ITPR3: variants seen among roughly 807,000 people sequenced by gnomAD.
ITPR3 encodes inositol 1,4,5-trisphosphate-gated calcium channel ITPR3.
Under a neutral mutation model 293.2 loss-of-function variants are expected in ITPR3, and 173 were observed. That is an observed-to-expected ratio of 0.59 (90% CI 0.52 to 0.67). ITPR3 has a LOEUF of 0.67. ITPR3 is among the 30% of genes least tolerant of loss of function. The pLI is 0.00. For synonymous variants in ITPR3, 1,295 were observed against 1,444.4 expected (o/e 0.90, Z 2.35); for missense variants, 2,796 against 3,592.1 (o/e 0.78, Z 5.66).
intron 1 of ITPR3, among the ~76,000 whole-genome samples, chr6:33,626,093 T>G (rs1763543717): frequency 6.6e-6 from 1 of 152,124 alleles, no homozygotes; most frequent in South Asian, 2.1e-4. Context: ...TGCTACCGCA[T>G]CTGGCTAGTT....
In ITPR3 at chr6:33,668,553, A is replaced by G. The variant is rs776238515; in HGVS notation, c.1925A>G (p.His642Arg). 5.0e-6 allele frequency: 8 copies of G among 1,614,130 alleles called. No homozygotes were observed. The highest frequency in any genetic ancestry group is 6.8e-6 in the Non-Finnish European group (8 of 1,180,008). The change falls in exon 17 of 58, where the codon CAC becomes CGC. Residue 642 changes from histidine to arginine, a missense_variant. By Grantham distance (29) the His-to-Arg change is conservative (BLOSUM62 0). Coordinates refer to ENST00000605930, the MANE Select transcript of ITPR3 (RefSeq NM_002224.4). ...DYLSDLCVSNHIAIPVTQELI... is the reference protein window; with the variant it reads ...DYLSDLCVSNRIAIPVTQELI... ...CTCTCTGACCTGTGTGTGTCCAACC[A>G]CATCGCCATCCCCGTCACCCAAGAG... is the stretch of plus-strand genomic sequence containing the variant.
intron 56 of ITPR3, 120 bp from the exon 57 acceptor site, chr6:33,694,804 C>G: frequency 7.8e-7 from 1 of 1,274,370 alleles, no homozygotes; most frequent in Non-Finnish European, 1.1e-6. Flanking sequence ...CATGACACAT[C>G]CCTGACGAGT....
chr6:33,693,373 A>C (rs1561885260), intron 55 of ITPR3, among the ~76,000 whole-genome samples, 172 bp from the exon 56 acceptor site: 1 of 152,138 alleles, frequency 6.6e-6, no homozygotes, highest in Non-Finnish European at 1.5e-5. Context: ...ATCTCCACTA[A>C]GTGGCTGCTG....
chr6:33,673,871 G>A, intron 23 of ITPR3, 151 bp downstream of exon 23: 1 of 897,598 alleles, frequency 1.1e-6, no homozygotes, highest in East Asian at 2.6e-5. Context: ...CTCAGTGAGG[G>A]GGAAGGGCAG....
At chr6:33,659,238 C>A in intron 6 of ITPR3, 119 bp downstream of exon 6, 1 of 1,006,394 alleles carries the variant, frequency 9.9e-7, no homozygotes, top group Non-Finnish European at 1.5e-6. Context: ...GCCGGACAAG[C>A]TGGGCCTCAC....
At chr6:33,650,729 G>A (rs1418999116) in intron 2 of ITPR3, among the ~76,000 whole-genome samples, 1 of 151,244 alleles carries the variant, frequency 6.6e-6, no homozygotes, top group Admixed American at 6.6e-5. Context: ...AGTTCTACTT[G>A]GTTCTTTTTT....
rs4713645 is a variant in ITPR3 at position 33,632,367 on chromosome 6, C to T, written c.90-8117C>T. Among the ~76,000 whole-genome samples, 2,327 of 152,244 alleles carry T rather than the reference C, an allele frequency of 0.015. 62 individuals carry two copies. The highest frequency in any genetic ancestry group is 0.1 in the East Asian group (519 of 5,182). On this transcript the variant is annotated intron_variant, in intron 1 of 57. Coordinates refer to ENST00000605930, the MANE Select transcript of ITPR3 (RefSeq NM_002224.4). This position sits in a 1 kb window ranked among gnomAD's most constrained non-coding sequence, Gnocchi z 4.1. ...GTTTTGAGTCAGGCTCCTTGATAGT[C>T]ACCTGCCCCACTTCTATCTAGCTCC...
rs1341960705 is a variant in ITPR3, at chr6:33,666,855, GC to G, written c.1552-273del. 6.6e-6 allele frequency among the ~76,000 whole-genome samples: 1 copy of G among 152,164 alleles called. No individual in the cohort carries two copies. Among genetic ancestry groups the G allele is most frequent in the Non-Finnish European group, 1.5e-5 (1 of 68,036 alleles). On this transcript the variant is annotated intron_variant, in intron 14 of 57. Transcript: ENST00000605930. The surrounding 1 kb of genome is among the most constrained non-coding windows in gnomAD (Gnocchi z 5.1). Reference sequence around the variant, plus strand: ...AGACCCTGAGCTGCCGAGACCCTCTGCTCCTCCCCCAGGCCCCAGATCTGAG... The same window carrying G: ...AGACCCTGAGCTGCCGAGACCCTCTGTCCTCCCCCAGGCCCCAGATCTGAG...
intron 3 of ITPR3, 148 bp downstream of exon 3, chr6:33,656,035 T>A (rs1418810533): frequency 5.7e-6 from 6 of 1,060,194 alleles, no homozygotes; most frequent in Non-Finnish European, 8.1e-6. Context: ...AGTTCACACC[T>A]GTAATTCCAG....
At position 33,674,040 on chromosome 6, in the gene ITPR3, G is replaced by GT. The variant is rs1333344115; in HGVS notation, c.3059-167dup. ...CCCCTTTGTACTGCCCTGCAGGGGA[G>GT]TAGGGGGCTGTGGCTCCTCCCCTAC... On this transcript the variant is annotated intron_variant, in intron 23 of 57. Coordinates refer to ENST00000605930, the MANE Select transcript of ITPR3 (RefSeq NM_002224.4). Among the ~76,000 whole-genome samples the GT allele has an allele frequency of 2.6e-5, 4 of 152,138 alleles. No individual in the cohort carries two copies. The East Asian group carries it at 7.7e-4, about 29-fold the overall frequency.
At chr6:33,623,176 T>TGGGGACTGGGAGGGACATA (rs1255763445) in intron 1 of ITPR3, among the ~76,000 whole-genome samples, 22 of 152,094 alleles carry the variant, frequency 1.4e-4, no homozygotes, top group African/African-American at 5.3e-4. Flanking sequence ...GGAGAGGGTG[T>TGGGGACTGGGAGGGACATA]GGGGACTGGG....
At chr6:33,648,566 C>T (rs113720900) in intron 2 of ITPR3, among the ~76,000 whole-genome samples, 2,147 of 151,750 alleles carry the variant, frequency 0.014, 50 homozygotes, top group African/African-American at 0.048. Context: ...TCTGTCAATT[C>T]CTCCAAGCAC....
At position 33,662,558 on chromosome 6, in the gene ITPR3, CAGG is replaced by C. The variant is rs1764500394; in HGVS notation, c.745_747del (p.Glu249del). The stretch of plus-strand genomic sequence containing the variant: ...CGTGGTGCGGCTGTTCCATGCGGAG[CAGG>C]AGAAGTTCCTGACGTGTGACGAGTA... On this transcript the variant is annotated inframe_deletion, in exon 8 of 58. Transcript: ENST00000605930. 1.9e-6 allele frequency: 3 copies of C among 1,607,952 alleles called. No individual in the cohort carries two copies. Among genetic ancestry groups the C allele is most frequent in the Non-Finnish European group, 8.5e-7 (1 of 1,178,210 alleles).
intron 2 of ITPR3, among the ~76,000 whole-genome samples, chr6:33,645,332 T>TCAAA (rs200511083): frequency 3.3e-5 from 5 of 152,154 alleles, no homozygotes. Flanking sequence ...AGACGCTGTC[T>TCAAA]CAAACAAACA....
chr6:33,663,067 G>A (rs1582131901), intron 9 of ITPR3, 61 bp downstream of exon 9: 1 of 1,404,238 alleles, frequency 7.1e-7, no homozygotes, highest in Non-Finnish European at 9.9e-7. Context: ...GGGTGTGCGG[G>A]AACATGTGTG....
At chr6:33,668,899 G>C (rs1764683876) in intron 17 of ITPR3, 75 bp from the exon 18 acceptor site, 1 of 1,467,838 alleles carries the variant, frequency 6.8e-7, no homozygotes, top group Admixed American at 1.8e-5. Context: ...CTGTGTGGCC[G>C]GGTGTGCTCA....
chr6:33,687,942 G>A lies in ITPR3; in HGVS notation c.6265-115G>A. On this transcript the variant is annotated intron_variant, in intron 46 of 57. Coordinates refer to ENST00000605930, the MANE Select transcript of ITPR3 (RefSeq NM_002224.4). The surrounding 1 kb of genome is among the most constrained non-coding windows in gnomAD (Gnocchi z 5.3). ...GGGCTTGGCCTGCTCTGGCTTGGCG[G>A]GGACACTCGCTGAAGTGTAGTTCAG... 1.2e-6 allele frequency: 1 copy of A among 808,010 alleles called. No homozygotes were observed. The highest frequency in any genetic ancestry group is 2.0e-6 in the Non-Finnish European group (1 of 507,968). 50.1% of individuals were successfully genotyped at this position (808,010 alleles called of 1,614,324 possible).
chr6:33,687,544 G>GC lies in ITPR3; in HGVS notation c.6246dup (p.Glu2083ArgfsTer36). On this transcript the variant is annotated frameshift_variant, in exon 46 of 58. Transcript: ENST00000605930. LOFTEE classifies it high-confidence loss of function. The surrounding 1 kb of genome is among the most constrained non-coding windows in gnomAD (Gnocchi z 5.3). ...GGTGAAGCGCATTCAAGAGGAGGAG[G>GC]CCGAGGGTATCTCTTCCATGGTGGG... 1 of 1,610,984 alleles carries GC rather than the reference G, an allele frequency of 6.2e-7. No homozygotes were observed. The highest frequency in any genetic ancestry group is 8.5e-7 in the Non-Finnish European group (1 of 1,178,462).
At chr6:33,637,669 C>T (rs1763854847) in intron 1 of ITPR3, among the ~76,000 whole-genome samples, 1 of 151,650 alleles carries the variant, frequency 6.6e-6, no homozygotes, top group Non-Finnish European at 1.5e-5. Flanking sequence ...TGCTCTGTTG[C>T]CCAGGCTGGA....
Sources: allele counts gnomAD v4.1 joint callset (sites outside exome capture counted in the v4.1 genomes callset), GRCh38; gene constraint gnomAD v4.1.1; non-coding constraint Gnocchi (gnomAD v3.1); transcripts MANE v1.5; gene names NCBI Gene and HGNC (gene_info 2026-07-23, HGNC 2026-07-21).